The following BIRC6 variants were observed in gnomAD, a reference collection of about 807,000 sequenced individuals.
BIRC6 encodes baculoviral IAP repeat containing 6, also known as dual E2 ubiquitin-conjugating enzyme/E3 ubiquitin-protein ligase BIRC6.
BIRC6 carries 98 observed loss-of-function variants against 503.3 expected under a neutral mutation model. The observed-to-expected ratio is 0.19, with a 90% CI of 0.17 to 0.23. The LOEUF is 0.23. BIRC6 is among the 10% of genes least tolerant of loss of function. The pLI is 1.00. For missense variants in BIRC6, 5,360 were observed against 5,806.0 expected (o/e 0.92, Z 2.50); for synonymous variants, 2,240 against 2,078.7 (o/e 1.08, Z -2.11).
intron 45 of BIRC6, among the ~76,000 whole-genome samples, chr2:32,497,071 AC>A (rs1558891887): frequency 6.6e-6 from 1 of 152,172 alleles, no homozygotes; most frequent in African/African-American, 2.4e-5. Flanking sequence ...ACTTGCTAAG[AC>A]CTTAAAAAAA....
chr2:32,581,689 G>C lies in BIRC6; in HGVS notation c.13355+6323G>C, dbSNP rs566637555. Among the ~76,000 whole-genome samples the C allele has an allele frequency of 2.6e-5, 4 of 152,168 alleles. No individual in the cohort carries two copies. The South Asian group carries it at 8.3e-4, about 32-fold the overall frequency. ...ACTTATTAATCCTTGAAATATATTA[G>C]ACCATGTGTGCAAAGCAGTACAATC... On this transcript the variant is annotated intron_variant, in intron 66 of 73. Transcript: ENST00000421745.
chr2:32,597,159 T>C (rs1279009319), intron 68 of BIRC6, among the ~76,000 whole-genome samples: 1 of 152,264 alleles, frequency 6.6e-6, no homozygotes, highest in African/African-American at 2.4e-5. Flanking sequence ...AACTTGATAC[T>C]TACTAACTGC....
At chr2:32,475,434 G>A (rs1215199579) in intron 33 of BIRC6, among the ~76,000 whole-genome samples, 2 of 152,072 alleles carry the variant, frequency 1.3e-5, no homozygotes, top group Admixed American at 6.5e-5. Context: ...TAGGGATGGG[G>A]GAGATAGGAT....
chr2:32,523,547 A>G (rs932643585), intron 57 of BIRC6: 7 of 152,208 alleles, frequency 4.6e-5, no homozygotes, highest in Non-Finnish European at 8.8e-5. Context: ...TTGTTGCACC[A>G]TGCATTTGTT....
intron 21 of BIRC6, among the ~76,000 whole-genome samples, 149 bp from the exon 22 acceptor site, chr2:32,448,633 AGACCGTGGAAGGG>A (rs1042264113): frequency 6.7e-5 from 10 of 149,406 alleles, no homozygotes; most frequent in Admixed American, 3.3e-4. Context: ...CATCAGAGGG[AGACCGTGGAAGGG>A]GACCGTGGAG....
At chr2:32,451,542 ATTAAT>A (rs2046729155) in intron 22 of BIRC6, among the ~76,000 whole-genome samples, 1 of 152,224 alleles carries the variant, frequency 6.6e-6, no homozygotes, top group African/African-American at 2.4e-5. Flanking sequence ...AGTAAAAATT[ATTAAT>A]TTTATTAAAA....
At chr2:32,423,581 C>T (rs928973015) in intron 10 of BIRC6, among the ~76,000 whole-genome samples, 3 of 152,140 alleles carry the variant, frequency 2.0e-5, no homozygotes, top group South Asian at 2.1e-4. Context: ...TTCTTTCACT[C>T]AGCATATTTT....
In BIRC6 at chr2:32,547,896, A is replaced by G. The variant is rs1365582441; in HGVS notation, c.12857A>G (p.Gln4286Arg). ...SHNPTSTEEQ[Q>R]LYWAKGTGFG... ...AACCCTACATCAACAGAAGAACAAC[A>G]GTTATATTGGGCCAAAGGGACTGGC... Residue 4286 changes from glutamine to arginine, a missense_variant, in exon 64 of 74, where the codon CAG becomes CGG. Gln to Arg is a conservative substitution (Grantham distance 43, BLOSUM62 1). Transcript: ENST00000421745. 1.2e-6 allele frequency: 2 copies of G among 1,612,664 alleles called. No homozygotes were observed. The highest frequency in any genetic ancestry group is 1.7e-6 in the Non-Finnish European group (2 of 1,179,428).
chr2:32,587,678 C>T (rs1260145242), intron 66 of BIRC6, among the ~76,000 whole-genome samples: 1 of 152,184 alleles, frequency 6.6e-6, no homozygotes, highest in African/African-American at 2.4e-5. Context: ...GAGCCGAGAT[C>T]ACGCCACTGC....
At chr2:32,529,612 T>G in intron 59 of BIRC6, 39 bp from the exon 60 acceptor site, 1 of 1,450,576 alleles carries the variant, frequency 6.9e-7, no homozygotes, top group South Asian at 1.6e-5. Flanking sequence ...AAATGTTTCT[T>G]TCTCGGTTTC....
Position 32,357,490 on chromosome 2 carries a change from AGTCTTCCGCACGCCGG to A in BIRC6, c.325+6_325+21del. The A allele has an allele frequency of 6.5e-7, 1 of 1,541,746 alleles. No homozygotes were observed. The highest frequency in any genetic ancestry group is 8.7e-7 in the Non-Finnish European group (1 of 1,143,980). Reference sequence around the variant, plus strand: ...CTGCAGGCCTCCGCGCTCAGTGGTGAGTCTTCCGCACGCCGGGCGGGCGCGAAGCCGGGGAAAGAAG... The same window carrying A: ...CTGCAGGCCTCCGCGCTCAGTGGTGAGCGGGCGCGAAGCCGGGGAAAGAAG... On this transcript the variant is annotated splice_donor_5th_base_variant and intron_variant, in intron 1 of 73. Transcript: ENST00000421745. The surrounding 1 kb of genome is among the most constrained non-coding windows in gnomAD (Gnocchi z 4.9).
At chr2:32,391,928 A>G (rs2039284051) in intron 4 of BIRC6, 111 bp from the exon 5 acceptor site, 2 of 679,240 alleles carry the variant, frequency 2.9e-6, no homozygotes, top group Non-Finnish European at 4.8e-6. Flanking sequence ...TCATCAGACC[A>G]TTTGCAGTTT....
In BIRC6 at chr2:32,514,982, T is replaced by A; in HGVS notation, c.10569-8T>A. ...TGTATCATTAATATGATATCTTTTA[T>A]TTTTTAGGTTACTTTTTAATTGGTC... On this transcript the variant is annotated splice_region_variant and splice_polypyrimidine_tract_variant and intron_variant, in intron 54 of 73. Transcript: ENST00000421745. The A allele has an allele frequency of 6.3e-7, 1 of 1,591,988 alleles. No homozygotes were observed. Among genetic ancestry groups the A allele is most frequent in the Non-Finnish European group, 8.6e-7 (1 of 1,164,930 alleles).
chr2:32,525,131 C>A, intron 58 of BIRC6, 112 bp downstream of exon 58: 2 of 960,302 alleles, frequency 2.1e-6, no homozygotes, highest in Non-Finnish European at 1.4e-6. Context: ...AAAGCTGACT[C>A]GTAATGATGT....
chr2:32,414,649 A>T (rs2042229641), intron 9 of BIRC6, 120 bp from the exon 10 acceptor site: 1 of 800,650 alleles, frequency 1.2e-6, no homozygotes, highest in Non-Finnish European at 1.8e-6. Context: ...CCTGTGTGAC[A>T]GAGCAAGAAT....
At chr2:32,447,372 G>T (rs879407865) in intron 21 of BIRC6, among the ~76,000 whole-genome samples, 2 of 128,106 alleles carry the variant, frequency 1.6e-5, no homozygotes, top group African/African-American at 5.8e-5. Context: ...GCGGCTGGCC[G>T]GGCGGGGGGC....
At chr2:32,471,973 T>A (rs892590430) in intron 32 of BIRC6, among the ~76,000 whole-genome samples, 5 of 152,238 alleles carry the variant, frequency 3.3e-5, no homozygotes. Flanking sequence ...ATAAGGAATT[T>A]GCTTTATATT....
intron 66 of BIRC6, among the ~76,000 whole-genome samples, chr2:32,576,119 A>G (rs568584094): frequency 1.3e-5 from 2 of 152,320 alleles, no homozygotes; most frequent in African/African-American, 4.8e-5. Context: ...TTTTCAGTTC[A>G]TAATAACCTC....
At chr2:32,498,378 T>C (rs2052742982) in intron 45 of BIRC6, among the ~76,000 whole-genome samples, 1 of 152,104 alleles carries the variant, frequency 6.6e-6, no homozygotes, top group Non-Finnish European at 1.5e-5. Context: ...TAATATTAGT[T>C]GTCCTAGTTT....
Sources: allele counts gnomAD v4.1 joint callset (sites outside exome capture counted in the v4.1 genomes callset), GRCh38; gene constraint gnomAD v4.1.1; non-coding constraint Gnocchi (gnomAD v3.1); transcripts MANE v1.5; gene names NCBI Gene and HGNC (gene_info 2026-07-23, HGNC 2026-07-21).